The following SELENOW variants were observed in gnomAD, a reference collection of about 807,000 sequenced individuals.
SELENOW encodes selenoprotein W.
In SELENOW, 20 loss-of-function variants were observed where a neutral mutation model predicts 16.6. That is an observed-to-expected ratio of 1.21 (90% CI 0.85 to 1.76). The LOEUF is 1.76. Ranked by LOEUF, SELENOW falls within the 40% of genes most tolerant of loss-of-function variation. The pLI is 0.00. For synonymous variants in SELENOW, 44 were observed against 46.2 expected, an observed-to-expected ratio of 0.95 and a Z score of 0.19; for missense variants, 124 against 111.0, an observed-to-expected ratio of 1.12 and a Z score of -0.53.
intron 5 of SELENOW, 47 bp from the exon 6 acceptor site, chr19:47,784,243 C>T (rs564637111): frequency 6.5e-6 from 1 of 153,000 alleles, no homozygotes; most frequent in African/African-American, 2.4e-5. Context: ...GGCCTCTGTT[C>T]CTGCAAACTG....
intron 3 of SELENOW, 50 bp downstream of exon 3, chr19:47,780,967 C>T: frequency 1.3e-6 from 2 of 1,599,030 alleles, no homozygotes; most frequent in Non-Finnish European, 1.7e-6. Context: ...CTGTGTCGGT[C>T]CGTTAGGCCT....
rs1291875830 is a variant in SELENOW at position 47,778,805 on chromosome 19, T to C, written c.20T>C (p.Val7Ala). MALAVR[V>A]VYCGAUGYKS... ...CGAGCCATGGCTCTCGCCGTCCGAG[T>C]CGTTTATTGGTAAGCCCAGCGGCCA... Residue 7 changes from valine to alanine, a missense_variant, in exon 1 of 6, where the codon GTC becomes GCC. Transcript: ENST00000601048. 1 of 1,602,508 alleles carries C rather than the reference T, an allele frequency of 6.2e-7. No homozygotes were observed. The highest frequency in any genetic ancestry group is 1.7e-5 in the Admixed American group (1 of 58,538).
At position 47,778,756 on chromosome 19, in the gene SELENOW, G is replaced by A. The variant is rs1455145430; in HGVS notation, c.-30G>A. 3.1e-6 allele frequency: 5 copies of A among 1,597,114 alleles called. No homozygotes were observed. Among genetic ancestry groups the A allele is most frequent in the African/African-American group, 1.3e-5 (1 of 74,510 alleles). On this transcript the variant is annotated 5_prime_UTR_variant, in exon 1 of 6. Transcript: ENST00000601048. ...GGAGGTTAGTGTGGCCCGGGCGTCC[G>A]CTCCTCAGCGGATGTGGCAGCCCCG...
chr19:47,778,709 G>A lies in SELENOW; in HGVS notation c.-77G>A. The A allele has an allele frequency of 1.3e-6, 2 of 1,502,898 alleles. No individual in the cohort carries two copies. The highest frequency in any genetic ancestry group is 1.8e-6 in the Non-Finnish European group (2 of 1,111,874). The allele number at this position is 1,502,898 out of a possible 1,614,324, so 93.1% of individuals were successfully genotyped here. A position where few individuals can be genotyped will look rare whatever the true frequency, so the allele number is the denominator to read the frequency against. ...CTGCGCAGGTTCCCGCCGCACTCGCGCAGACCTAGCGCGTCCAGGTGGGAG... is the reference window on the plus strand; with the variant it reads ...CTGCGCAGGTTCCCGCCGCACTCGCACAGACCTAGCGCGTCCAGGTGGGAG... On this transcript the variant is annotated 5_prime_UTR_variant, in exon 1 of 6. Transcript: ENST00000601048.
chr19:47,782,496 A>C (rs770977006), intron 5 of SELENOW: 1 of 152,008 alleles, frequency 6.6e-6, no homozygotes, highest in Non-Finnish European at 1.5e-5. Context: ...ATTGACCACT[A>C]GTTCCTGGAG....
intron 3 of SELENOW, 83 bp downstream of exon 3, chr19:47,781,000 G>T (rs760494799): frequency 4.5e-6 from 7 of 1,562,476 alleles, no homozygotes; most frequent in Non-Finnish European, 6.2e-6. Flanking sequence ...AGGGGGGTTA[G>T]GTCAGCCCTA....
intron 1 of SELENOW, 169 bp from the exon 2 acceptor site, chr19:47,780,556 C>T: frequency 1.6e-6 from 1 of 638,664 alleles, no homozygotes; most frequent in East Asian, 2.8e-5. Context: ...CCTGTCTTCT[C>T]TCTTGAGGGC....
At chr19:47,781,482 T>TG (rs1315237041) in intron 5 of SELENOW, 94 bp downstream of exon 5, 15 of 724,380 alleles carry the variant, frequency 2.1e-5, no homozygotes, top group South Asian at 3.2e-5. Context: ...GCCTGGGAGA[T>TG]GGGGGGGACA....
intron 1 of SELENOW, 27 bp from the exon 2 acceptor site, chr19:47,780,698 C>T (rs1208322982): frequency 1.3e-6 from 2 of 1,553,252 alleles, no homozygotes; most frequent in Middle Eastern, 1.7e-4. Context: ...CTCCCCTGGG[C>T]CCCAATGTCT....
intron 1 of SELENOW, chr19:47,779,554 A>G (rs1967447818): frequency 6.5e-6 from 1 of 153,092 alleles, no homozygotes; most frequent in Non-Finnish European, 1.5e-5. Flanking sequence ...CCTGTAATCC[A>G]AACACTGGGA....
At chr19:47,779,129 G>T in intron 1 of SELENOW, 1 of 402,060 alleles carries the variant, frequency 2.5e-6, no homozygotes, top group Non-Finnish European at 4.5e-6. Context: ...TTTGTAAAGG[G>T]ACCTAAGGCT....
intron 3 of SELENOW, 51 bp downstream of exon 3, chr19:47,780,968 C>T (rs750107168): frequency 1.8e-5 from 29 of 1,598,924 alleles, no homozygotes; most frequent in Middle Eastern, 1.6e-4. Context: ...TGTGTCGGTC[C>T]GTTAGGCCTG....
chr19:47,780,050 A>G, intron 1 of SELENOW: 1 of 435,310 alleles, frequency 2.3e-6, no homozygotes, highest in Non-Finnish European at 4.7e-6. Context: ...GTCCCGAAAT[A>G]GCCTGCTGTG....
At chr19:47,781,037 C>G in intron 3 of SELENOW, 71 bp from the exon 4 acceptor site, 1 of 1,559,600 alleles carries the variant, frequency 6.4e-7, no homozygotes, top group Non-Finnish European at 8.8e-7. Flanking sequence ...TCTCATCCCC[C>G]TGGGAAGGGG....
intron 5 of SELENOW, among the ~76,000 whole-genome samples, chr19:47,782,012 C>T (rs1446036940): frequency 6.6e-6 from 1 of 152,140 alleles, no homozygotes; most frequent in Non-Finnish European, 1.5e-5. Context: ...TGCCCTAAAA[C>T]AGCTCTCCTG....
chr19:47,779,041 G>A, intron 1 of SELENOW: 1 of 557,836 alleles, frequency 1.8e-6, no homozygotes, highest in South Asian at 2.2e-5. Context: ...GGTTATAAAA[G>A]GTGGGGCTGA....
At chr19:47,780,141 C>T in intron 1 of SELENOW, 1 of 455,334 alleles carries the variant, frequency 2.2e-6, no homozygotes, top group Non-Finnish European at 4.4e-6. Context: ...GGTGCGGTGG[C>T]TCCTGCCTGT....
chr19:47,780,490 C>G (rs796835531), intron 1 of SELENOW: 10 of 576,066 alleles, frequency 1.7e-5, no homozygotes, highest in Admixed American at 3.0e-5. Flanking sequence ...CTGTGTGTCT[C>G]TGTGTGTCCC....
rs555909067 is a variant in SELENOW at position 47,778,727 on chromosome 19, G to C, written c.-59G>C. On this transcript the variant is annotated 5_prime_UTR_variant, in exon 1 of 6. Transcript: ENST00000601048. Reference sequence around the variant, plus strand: ...CACTCGCGCAGACCTAGCGCGTCCAGGTGGGAGGTTAGTGTGGCCCGGGCG... The same window carrying C: ...CACTCGCGCAGACCTAGCGCGTCCACGTGGGAGGTTAGTGTGGCCCGGGCG... 24 of 1,570,352 alleles carry C rather than the reference G, an allele frequency of 1.5e-5. No individual in the cohort carries two copies. In the East Asian group the frequency reaches 4.7e-4, roughly 31 times the overall value.
Sources: gnomAD v4.1 joint callset for allele counts (sites outside exome capture counted in the v4.1 genomes callset) on GRCh38, gnomAD v4.1.1 for gene constraint, MANE v1.5 for transcripts, NCBI Gene and HGNC (gene_info 2026-07-23, HGNC 2026-07-21) for gene names.